Variants in KCNJ3 observed in about 807,000 individuals in gnomAD.
KCNJ3 encodes G protein-activated inward rectifier potassium channel 1.
KCNJ3 carries 4 observed loss-of-function variants against 39.2 expected under a neutral mutation model. That is an observed-to-expected ratio of 0.10 (90% CI 0.05 to 0.23). The LOEUF (loss-of-function observed/expected upper bound fraction) is 0.23. Ranked by LOEUF, KCNJ3 falls within the 10% of genes least tolerant of loss-of-function variation. The pLI, the probability that KCNJ3 is intolerant of heterozygous loss-of-function variation, is 1.00. For missense variants in KCNJ3, 276 were observed against 634.9 expected (o/e 0.43, Z 6.08); for synonymous variants, 230 against 237.4 (o/e 0.97, Z 0.29).
At chr2:154,839,262 C>A (rs557820093) in intron 2 of KCNJ3, among the ~76,000 whole-genome samples, 13 of 152,274 alleles carry the variant, frequency 8.5e-5, no homozygotes, top group African/African-American at 2.6e-4. Context: ...CATGTCCCTG[C>A]AAAGGATATG....
chr2:154,801,534 CTTCTTTCT>C (rs753900791), intron 2 of KCNJ3, among the ~76,000 whole-genome samples: 3 of 138,952 alleles, frequency 2.2e-5, no homozygotes, highest in Non-Finnish European at 3.1e-5. Flanking sequence ...TCCTTCTTTC[CTTCTTTCT>C]TTCTTTCTTT....
intron 2 of KCNJ3, among the ~76,000 whole-genome samples, chr2:154,758,935 T>C (rs1196434490): frequency 6.6e-6 from 1 of 152,192 alleles, no homozygotes; most frequent in Non-Finnish European, 1.5e-5. Context: ...CAGGGCATTA[T>C]GTTTAGTTAT....
Position 154,699,630 on chromosome 2 carries a change from G to A in KCNJ3, c.702+153G>A, listed in dbSNP as rs1045617967. 3 of 658,254 alleles carry A rather than the reference G, an allele frequency of 4.6e-6. No individual in the cohort carries two copies. Among genetic ancestry groups the A allele is most frequent in the Non-Finnish European group, 5.7e-6 (3 of 530,894 alleles). The allele number at this position is 658,254 out of a possible 1,614,324, so 40.8% of individuals were successfully genotyped here. ...GGGGGGTTGGGGGTTGGAGGACTGG[G>A]CAAAGAATGCGGTTGACAGTTCTGT... is the stretch of plus-strand genomic sequence containing the variant. On this transcript the variant is annotated intron_variant, in intron 1 of 2. Coordinates refer to ENST00000295101, the MANE Select transcript of KCNJ3 (RefSeq NM_002239.4). This position sits in a 1 kb window ranked among gnomAD's most constrained non-coding sequence, Gnocchi z 6.4.
chr2:154,826,888 C>T (rs1266827130), intron 2 of KCNJ3, among the ~76,000 whole-genome samples: 1 of 152,152 alleles, frequency 6.6e-6, no homozygotes, highest in Non-Finnish European at 1.5e-5. Context: ...AGCAGGTACA[C>T]TTCATTTATC....
intron 2 of KCNJ3, among the ~76,000 whole-genome samples, chr2:154,745,644 T>G (rs1283858590): frequency 6.6e-6 from 1 of 152,082 alleles, no homozygotes; most frequent in Non-Finnish European, 1.5e-5. Context: ...CTTTAAAATT[T>G]TTTTCCAGAG....
chr2:154,756,216 C>A (rs1034044344), intron 2 of KCNJ3, among the ~76,000 whole-genome samples: 3 of 152,064 alleles, frequency 2.0e-5, no homozygotes, highest in African/African-American at 7.2e-5. Flanking sequence ...TAACCATTAC[C>A]TATCTAGATA....
At chr2:154,841,004 C>G (rs1687565764) in intron 2 of KCNJ3, among the ~76,000 whole-genome samples, 1 of 152,150 alleles carries the variant, frequency 6.6e-6, no homozygotes, top group Non-Finnish European at 1.5e-5. Context: ...ACATCCTTGT[C>G]TGGTGCCAGT....
chr2:154,703,086 G>A (rs1684934269), intron 1 of KCNJ3, among the ~76,000 whole-genome samples: 1 of 151,856 alleles, frequency 6.6e-6, no homozygotes. Context: ...AATAATAATG[G>A]TTGATAGACC....
chr2:154,788,894 G>T (rs920455241), intron 2 of KCNJ3, among the ~76,000 whole-genome samples: 2 of 151,846 alleles, frequency 1.3e-5, no homozygotes, highest in African/African-American at 2.4e-5. Context: ...TGGAGAAAAA[G>T]GTTACTCAAA....
chr2:154,846,670 T>G (rs1687667376), intron 2 of KCNJ3, among the ~76,000 whole-genome samples: 1 of 152,174 alleles, frequency 6.6e-6, no homozygotes, highest in Non-Finnish European at 1.5e-5. Flanking sequence ...AGCAATATGA[T>G]TGTGAATTTC....
intron 2 of KCNJ3, among the ~76,000 whole-genome samples, chr2:154,712,554 C>T (rs927518734): frequency 3.9e-5 from 6 of 152,058 alleles, no homozygotes; most frequent in African/African-American, 1.5e-4. Flanking sequence ...TGTGTTGTGT[C>T]CTTGAAAGTA....
At chr2:154,781,060 T>C (rs1686429937) in intron 2 of KCNJ3, among the ~76,000 whole-genome samples, 1 of 152,144 alleles carries the variant, frequency 6.6e-6, no homozygotes, top group African/African-American at 2.4e-5. Flanking sequence ...GAGAGTCAGC[T>C]TCAGAGTGAT....
At chr2:154,792,180 G>A (rs1315351300) in intron 2 of KCNJ3, among the ~76,000 whole-genome samples, 1 of 152,042 alleles carries the variant, frequency 6.6e-6, no homozygotes, top group Non-Finnish European at 1.5e-5. Flanking sequence ...TGTTTATGCA[G>A]CAGCCATTTC....
intron 2 of KCNJ3, among the ~76,000 whole-genome samples, chr2:154,716,951 A>G (rs1199180435): frequency 6.6e-6 from 1 of 152,240 alleles, no homozygotes; most frequent in Non-Finnish European, 1.5e-5. Context: ...GAGAAAGTCC[A>G]TAGTCCAGAG....
chr2:154,841,876 CA>C (rs1368668583), intron 2 of KCNJ3, among the ~76,000 whole-genome samples: 3 of 151,924 alleles, frequency 2.0e-5, no homozygotes. Flanking sequence ...TTGATCTTTT[CA>C]AAAAACCAGC....
rs759441007 is a variant in KCNJ3 at position 154,709,578 on chromosome 2, T to C, written c.703-25T>C. ...ATTTTCAGTACAAGTGGTGATTTCTTCTCTTTTTCTGTGTGCTTGTCTAGT... is the reference window on the plus strand; with the variant it reads ...ATTTTCAGTACAAGTGGTGATTTCTCCTCTTTTTCTGTGTGCTTGTCTAGT... On this transcript the variant is annotated intron_variant, in intron 1 of 2. Coordinates refer to ENST00000295101, the MANE Select transcript of KCNJ3 (RefSeq NM_002239.4). 1.4e-5 allele frequency: 23 copies of C among 1,603,112 alleles called. No individual in the cohort carries two copies. In the South Asian group the frequency reaches 2.4e-4, roughly 17 times the overall value.
At chr2:154,828,561 G>A (rs529885965) in intron 2 of KCNJ3, among the ~76,000 whole-genome samples, 1 of 152,252 alleles carries the variant, frequency 6.6e-6, no homozygotes, top group African/African-American at 2.4e-5. Context: ...TTGGGTTTGA[G>A]AGATGTCCAT....
chr2:154,854,671 C>A, intron 2 of KCNJ3, 56 bp from the exon 3 acceptor site: 1 of 1,351,968 alleles, frequency 7.4e-7, no homozygotes, highest in Non-Finnish European at 1.0e-6. Context: ...GCCAAACCGG[C>A]TTTACATGTG....
At chr2:154,842,953 G>A (rs969426804) in intron 2 of KCNJ3, among the ~76,000 whole-genome samples, 6 of 152,074 alleles carry the variant, frequency 3.9e-5, no homozygotes, top group Admixed American at 3.3e-4. Flanking sequence ...GGTTAATATT[G>A]TTATGTGTGA....
Sources: gnomAD v4.1 joint callset for allele counts (sites outside exome capture counted in the v4.1 genomes callset) on GRCh38, gnomAD v4.1.1 for gene constraint, Gnocchi (gnomAD v3.1) non-coding constraint, MANE v1.5 for transcripts, NCBI Gene and HGNC (gene_info 2026-07-23, HGNC 2026-07-21) for gene names.